The following RALGAPA1 variants were observed in gnomAD, a reference collection of about 807,000 sequenced individuals.
The protein encoded by RALGAPA1 is Ral GTPase activating protein catalytic subunit alpha 1.
RALGAPA1 carries 52 observed loss-of-function variants against 269.6 expected under a neutral mutation model. That is an observed-to-expected ratio of 0.19 (90% confidence interval 0.15 to 0.24). The LOEUF (loss-of-function observed/expected upper bound fraction) is 0.24. RALGAPA1 is among the 10% of genes least tolerant of loss of function. The pLI is 1.00. For synonymous variants in RALGAPA1, 817 were observed against 1,008.3 expected (o/e 0.81, Z 3.60); for missense variants, 1,917 against 3,013.9 (o/e 0.64, Z 8.52).
At chr14:35,587,601 G>A (rs1002844608) in intron 37 of RALGAPA1, among the ~76,000 whole-genome samples, 7 of 151,870 alleles carry the variant, frequency 4.6e-5, no homozygotes, top group Non-Finnish European at 1.0e-4. Context: ...CCATCATTTT[G>A]AGCAAACTAT....
chr14:35,683,882 A>T lies in RALGAPA1; in HGVS notation c.4398T>A (p.Thr1466=), dbSNP rs916650498. 1 of 1,612,340 alleles carries T rather than the reference A, an allele frequency of 6.2e-7. No individual in the cohort carries two copies. Among genetic ancestry groups the T allele is most frequent in the South Asian group, 1.1e-5 (1 of 90,932 alleles). ...SAEEQEVASL[T]TLHIDSETSS... The stretch of plus-strand genomic sequence containing the variant: ...TTGTTTCAGAATCTATATGAAGAGT[A>T]GTTAGACTAGCCACTTCCTGCTCTT... The change falls in exon 21 of 42, where the codon ACT becomes ACA. Residue 1466 remains threonine (T), a synonymous_variant. Coordinates refer to ENST00000680220, the MANE Select transcript of RALGAPA1 (RefSeq NM_001346249.2).
Position 35,627,941 on chromosome 14 carries a change from T to G in RALGAPA1, c.6006A>C (p.Gln2002His). 1 of 1,543,434 alleles carries G rather than the reference T, an allele frequency of 6.5e-7. No individual in the cohort carries two copies. Among genetic ancestry groups the G allele is most frequent in the African/African-American group, 1.4e-5 (1 of 72,460 alleles). Reference sequence around the variant, plus strand: ...CTATAGAGATTAATCCATGCTGCATTTGAGTTTTCACTGGAAATAAAAAAT... The same window carrying G: ...CTATAGAGATTAATCCATGCTGCATGTGAGTTTTCACTGGAAATAAAAAAT... ...KLQPVTEVKT[Q>H]MQHGLISIAA... The change falls in exon 34 of 42, where the codon CAA becomes CAC. Residue 2002 changes from glutamine (Q) to histidine (H), a missense_variant. Transcript: ENST00000680220.
chr14:35,690,631 T>A (rs748551605), intron 17 of RALGAPA1, among the ~76,000 whole-genome samples: 5 of 152,324 alleles, frequency 3.3e-5, no homozygotes, highest in Admixed American at 6.5e-5. Flanking sequence ...ATATATTTTT[T>A]AAAAAATCAA....
At chr14:35,694,051 G>A (rs1344534886) in intron 17 of RALGAPA1, among the ~76,000 whole-genome samples, 1 of 151,544 alleles carries the variant, frequency 6.6e-6, no homozygotes, top group Non-Finnish European at 1.5e-5. Flanking sequence ...TGTCACATAA[G>A]TATGGGCTTA....
At chr14:35,623,067 A>G (rs1299843064) in intron 35 of RALGAPA1, among the ~76,000 whole-genome samples, 4 of 145,590 alleles carry the variant, frequency 2.7e-5, no homozygotes, top group Admixed American at 2.1e-4. Context: ...TGGGCAACAG[A>G]GGAAGACTCT....
rs1312557671 is a variant in RALGAPA1 at position 35,548,520 on chromosome 14, A to G, written c.*11T>C. 5 of 1,579,344 alleles carry G rather than the reference A, an allele frequency of 3.2e-6. No homozygotes were observed. Among genetic ancestry groups the G allele is most frequent in the Non-Finnish European group, 4.3e-6 (5 of 1,159,664 alleles). On this transcript the variant is annotated 3_prime_UTR_variant, in exon 41 of 42. Transcript: ENST00000680220. ...CACTTTGTCTTACCTTCAGATAAAC[A>G]GAACTGATATTTAATGATCTAAAGA...
intron 39 of RALGAPA1, among the ~76,000 whole-genome samples, chr14:35,563,528 A>G (rs1300807764): frequency 1.3e-5 from 2 of 152,148 alleles, no homozygotes; most frequent in African/African-American, 4.8e-5. Flanking sequence ...ACATAAGGGT[A>G]GGGAGGGTAA....
chr14:35,602,938 G>C (rs1347417967), intron 36 of RALGAPA1, among the ~76,000 whole-genome samples: 1 of 152,128 alleles, frequency 6.6e-6, no homozygotes, highest in Non-Finnish European at 1.5e-5. Flanking sequence ...TGGGGTAAGA[G>C]TCTGGTTTCA....
intron 6 of RALGAPA1, among the ~76,000 whole-genome samples, chr14:35,759,314 G>T (rs1428344296): frequency 6.6e-6 from 1 of 152,134 alleles, no homozygotes; most frequent in Non-Finnish European, 1.5e-5. Context: ...CAGAGTACTT[G>T]CTCTGGATTG....
intron 41 of RALGAPA1, among the ~76,000 whole-genome samples, chr14:35,541,132 A>G (rs924187474): frequency 7.3e-6 from 1 of 136,120 alleles, no homozygotes; most frequent in Admixed American, 8.9e-5. Context: ...TGCAATCTCC[A>G]CTGCCCGGGT....
chr14:35,549,793 G>T (rs2033165644), intron 39 of RALGAPA1, among the ~76,000 whole-genome samples: 1 of 152,074 alleles, frequency 6.6e-6, no homozygotes, highest in Non-Finnish European at 1.5e-5. Flanking sequence ...GAAGATTACT[G>T]TTGCTGTAAT....
chr14:35,789,772 A>G (rs1234226112), intron 1 of RALGAPA1, among the ~76,000 whole-genome samples: 1 of 152,180 alleles, frequency 6.6e-6, no homozygotes, highest in Non-Finnish European at 1.5e-5. Flanking sequence ...ACAGAACACC[A>G]GAAAATATCA....
intron 1 of RALGAPA1, among the ~76,000 whole-genome samples, chr14:35,798,709 G>A (rs2076751405): frequency 6.6e-6 from 1 of 152,028 alleles, no homozygotes; most frequent in Admixed American, 6.6e-5. Flanking sequence ...TAGAAATATC[G>A]GCTGGGCACA....
In RALGAPA1 at chr14:35,598,444, A is replaced by T. The variant is rs549379005; in HGVS notation, c.7054-2655T>A. Among the ~76,000 whole-genome samples the T allele has an allele frequency of 4.1e-4, 62 of 150,030 alleles. No individual in the cohort carries two copies. In the South Asian group the frequency reaches 0.012, roughly 30 times the overall value. On this transcript the variant is annotated intron_variant, in intron 36 of 41. Transcript: ENST00000680220. ...TTTATTTATTTATTTTTTGAGATGG[A>T]GTCTCGCTCTTGTCACCCAGGCTGG...
At chr14:35,557,300 G>GAA (rs66542011) in intron 39 of RALGAPA1, among the ~76,000 whole-genome samples, 2 of 113,080 alleles carry the variant, frequency 1.8e-5, no homozygotes. Flanking sequence ...ACTGCAAAAA[G>GAA]AAAAAAAAAA....
chr14:35,562,050 C>G (rs1425534909), intron 39 of RALGAPA1, among the ~76,000 whole-genome samples: 1 of 152,130 alleles, frequency 6.6e-6, no homozygotes, highest in African/African-American at 2.4e-5. Flanking sequence ...AACTATACAT[C>G]TTAGTTAAAA....
At chr14:35,692,199 T>A (rs563664603) in intron 17 of RALGAPA1, among the ~76,000 whole-genome samples, 2 of 152,232 alleles carry the variant, frequency 1.3e-5, no homozygotes, top group South Asian at 4.1e-4. Flanking sequence ...TGTATAGCTG[T>A]TCTATAAGAA....
chr14:35,559,441 G>A (rs2055950297), intron 39 of RALGAPA1, among the ~76,000 whole-genome samples: 2 of 152,120 alleles, frequency 1.3e-5, no homozygotes, highest in Admixed American at 1.3e-4. Flanking sequence ...GAACAATAAT[G>A]TGAGTGGAGC....
chr14:35,766,048 G>T, intron 4 of RALGAPA1: 2 of 1,355,752 alleles, frequency 1.5e-6, no homozygotes, highest in Admixed American at 1.7e-5. Context: ...ACTGGAGGAA[G>T]CTCAGGTGGG....
Sources: allele counts gnomAD v4.1 joint callset (sites outside exome capture counted in the v4.1 genomes callset), GRCh38; gene constraint gnomAD v4.1.1; transcripts MANE v1.5; gene names NCBI Gene and HGNC (gene_info 2026-07-23, HGNC 2026-07-21).